NPSR1: variants seen among roughly 807,000 people sequenced by gnomAD.
The protein encoded by NPSR1 is neuropeptide S receptor 1, also known as neuropeptide S receptor.
Under a neutral mutation model 46.9 loss-of-function variants are expected in NPSR1, and 48 were observed. The observed-to-expected ratio is 1.02, with a 90% confidence interval of 0.81 to 1.30. NPSR1 has a LOEUF of 1.30. NPSR1 is among the 50% of genes most tolerant of loss of function. NPSR1 has a pLI of 0.00. For synonymous variants in NPSR1, 176 were observed against 168.1 expected (o/e 1.05, Z -0.36); for missense variants, 450 against 449.5 (o/e 1.00, Z -0.01).
intron 2 of NPSR1, among the ~76,000 whole-genome samples, chr7:34,703,338 T>G (rs1344373809): frequency 6.6e-6 from 1 of 152,020 alleles, no homozygotes; most frequent in Non-Finnish European, 1.5e-5. Flanking sequence ...GCCACTGCCC[T>G]CCAGCCTGGG....
chr7:34,786,351 G>A (rs1787466190), intron 3 of NPSR1, among the ~76,000 whole-genome samples: 1 of 151,948 alleles, frequency 6.6e-6, no homozygotes, highest in Admixed American at 6.6e-5. Context: ...TCAGTCACAT[G>A]TACACACTCC....
rs192581647 is a variant in NPSR1, at chr7:34,694,627, A to G, written c.280+9943A>G. ...CTACAGATTCAACACAATCCCTATC[A>G]TATTACAAATGCCATTTTTCAGAGA... is the stretch of plus-strand genomic sequence containing the variant. On this transcript the variant is annotated intron_variant, in intron 2 of 8. Transcript: ENST00000360581. Among the ~76,000 whole-genome samples, 441 of 152,348 alleles carry G rather than the reference A, an allele frequency of 2.9e-3. 6 individuals carry two copies. The highest frequency in any genetic ancestry group is 0.01 in the African/African-American group (426 of 41,586).
chr7:34,858,668 C>T (rs1791111113), intron 8 of NPSR1, among the ~76,000 whole-genome samples: 2 of 151,796 alleles, frequency 1.3e-5, no homozygotes, highest in South Asian at 2.1e-4. Flanking sequence ...GAGCAAGTCA[C>T]ATCTTACATG....
chr7:34,811,919 G>A, intron 4 of NPSR1, 56 bp downstream of exon 4: 1 of 1,112,504 alleles, frequency 9.0e-7, no homozygotes, highest in Non-Finnish European at 1.3e-6. Flanking sequence ...AGTGAGGGTA[G>A]GATCATTTTC....
Position 34,855,491 on chromosome 7 carries a change from T to C in NPSR1, c.1025+6828T>C, listed in dbSNP as rs1477888252. 2.0e-5 allele frequency among the ~76,000 whole-genome samples: 3 copies of C among 151,920 alleles called. No homozygotes were observed. In the South Asian group the frequency reaches 6.3e-4, roughly 32 times the overall value. ...AGCTTATGTCAAAACAAATTGAAAA[T>C]ATAGATGAATGGGAAAACATATAAT... On this transcript the variant is annotated intron_variant, in intron 8 of 8. Coordinates refer to the NPSR1 transcript ENST00000359791.
intron 3 of NPSR1, among the ~76,000 whole-genome samples, chr7:34,786,274 CTT>C (rs949699066): frequency 4.6e-5 from 7 of 152,144 alleles, no homozygotes; most frequent in South Asian, 2.1e-4. Context: ...CAAGGAATCA[CTT>C]TCTTTGCTCA....
At chr7:34,769,986 C>A (rs947626952) in intron 2 of NPSR1, among the ~76,000 whole-genome samples, 1 of 152,178 alleles carries the variant, frequency 6.6e-6, no homozygotes, top group Non-Finnish European at 1.5e-5. Flanking sequence ...TAGCTTTTTA[C>A]TGATCAGCAT....
chr7:34,703,314 T>G (rs1793938199), intron 2 of NPSR1, among the ~76,000 whole-genome samples: 3 of 152,150 alleles, frequency 2.0e-5, no homozygotes, highest in Admixed American at 2.0e-4. Flanking sequence ...GAGCTCGCAG[T>G]GAGCCGAGAT....
Position 34,694,623 on chromosome 7 carries a change from T to C in NPSR1, c.280+9939T>C, listed in dbSNP as rs1793422631. Among the ~76,000 whole-genome samples, 9 of 152,226 alleles carry C rather than the reference T, an allele frequency of 5.9e-5. No homozygotes were observed. In the South Asian group the frequency reaches 1.9e-3, roughly 31 times the overall value. ...CAATCTACAGATTCAACACAATCCC[T>C]ATCATATTACAAATGCCATTTTTCA... On this transcript the variant is annotated intron_variant, in intron 2 of 8. Transcript: ENST00000360581.
At chr7:34,759,031 G>A (rs376944486) in intron 2 of NPSR1, among the ~76,000 whole-genome samples, 1 of 152,138 alleles carries the variant, frequency 6.6e-6, no homozygotes, top group African/African-American at 2.4e-5. Context: ...ATGTGCTTTT[G>A]AGAGTTATAC....
At chr7:34,818,403 G>A (rs10255187) in intron 4 of NPSR1, among the ~76,000 whole-genome samples, 6 of 151,966 alleles carry the variant, frequency 3.9e-5, no homozygotes, top group Admixed American at 6.6e-5. Flanking sequence ...AAACCACTGC[G>A]CAAGGAAATA....
rs1404727686 is a variant in NPSR1 at position 34,808,628 on chromosome 7, AT to A, written c.385-3138del. 3.9e-5 allele frequency among the ~76,000 whole-genome samples: 6 copies of A among 152,162 alleles called. No homozygotes were observed. The East Asian group carries it at 1.2e-3, about 29-fold the overall frequency. On this transcript the variant is annotated intron_variant, in intron 3 of 8. Transcript: ENST00000360581. Reference sequence around the variant, plus strand: ...GCTCTTCCCTCTTCTTGAATTCTTAATTTTAATTCAATTCTCAATTAGCTGA... The same window carrying A: ...GCTCTTCCCTCTTCTTGAATTCTTAATTTAATTCAATTCTCAATTAGCTGA...
chr7:34,798,262 G>C (rs551513231), intron 3 of NPSR1, among the ~76,000 whole-genome samples: 9 of 152,096 alleles, frequency 5.9e-5, no homozygotes, highest in African/African-American at 2.2e-4. Flanking sequence ...GCCCAGGCAC[G>C]GGTGGCCCAT....
chr7:34,664,304 A>G (rs1182676165), intron 1 of NPSR1, among the ~76,000 whole-genome samples: 1 of 152,226 alleles, frequency 6.6e-6, no homozygotes, highest in Non-Finnish European at 1.5e-5. Flanking sequence ...TCCAACAAAC[A>G]AAGCTAATAA....
chr7:34,860,464 C>T (rs1562776594), intron 8 of NPSR1, among the ~76,000 whole-genome samples: 1 of 151,714 alleles, frequency 6.6e-6, no homozygotes, highest in Non-Finnish European at 1.5e-5. Flanking sequence ...ACATAAATAT[C>T]TTTTGTATGA....
At chr7:34,850,036 G>A, downstream of NPSR1, 1 of 972,618 alleles carries the variant, frequency 1.0e-6, no homozygotes, top group South Asian at 4.7e-5. Flanking sequence ...CATTACAATA[G>A]AAGAAAATAA....
At chr7:34,663,212 G>C (rs11770777) in intron 1 of NPSR1, among the ~76,000 whole-genome samples, 36,035 of 151,620 alleles carry the variant, frequency 0.24, 4,564 homozygotes, top group South Asian at 0.33. Flanking sequence ...GGTCATCCTC[G>C]TTCTGGACTT....
intron 2 of NPSR1, among the ~76,000 whole-genome samples, chr7:34,692,932 G>A (rs564152732): frequency 2.2e-4 from 34 of 152,266 alleles, no homozygotes; most frequent in African/African-American, 5.3e-4. Flanking sequence ...CAATCCCCCC[G>A]TGTTGGAGGT....
chr7:34,822,110 C>A (rs1407833040), intron 4 of NPSR1, among the ~76,000 whole-genome samples: 1 of 152,126 alleles, frequency 6.6e-6, no homozygotes, highest in Non-Finnish European at 1.5e-5. Flanking sequence ...ACTCCCTGGC[C>A]TTGTAGAGGA....
Sources: allele counts gnomAD v4.1 joint callset (sites outside exome capture counted in the v4.1 genomes callset), GRCh38; gene constraint gnomAD v4.1.1; transcripts MANE v1.5; gene names NCBI Gene and HGNC (gene_info 2026-07-23, HGNC 2026-07-21).